TRAK1: variants seen among roughly 807,000 people sequenced by gnomAD.
TRAK1 encodes trafficking kinesin protein 1.
TRAK1 carries 33 observed loss-of-function variants against 92.1 expected under a neutral mutation model. That is an observed-to-expected ratio of 0.36 (90% CI 0.27 to 0.48). TRAK1 has a LOEUF of 0.48. TRAK1 is among the 20% of genes least tolerant of loss of function. TRAK1 has a pLI of 0.99. For missense variants in TRAK1, 1,123 were observed against 1,257.9 expected (o/e 0.89, Z 1.62); for synonymous variants, 521 against 517.3 (o/e 1.01, Z -0.10).
intron 10 of TRAK1, 150 bp from the exon 11 acceptor site, chr3:42,199,027 G>C: frequency 1.3e-6 from 1 of 740,992 alleles, no homozygotes; most frequent in Non-Finnish European, 2.3e-6. Flanking sequence ...TCTGACAACA[G>C]AGAGTGCTGT....
chr3:42,013,416 G>A (rs1344027058), upstream of TRAK1, among the ~76,000 whole-genome samples: 8 of 152,146 alleles, frequency 5.3e-5, no homozygotes, highest in Admixed American at 2.0e-4. This position sits in a 1 kb window ranked among gnomAD's most constrained non-coding sequence, Gnocchi z 5.1. Context: ...CCGGATCCAG[G>A]TCTTTACCGG....
At chr3:42,212,019 T>C (rs1709103783) in intron 14 of TRAK1, 38 of 985,466 alleles carry the variant, frequency 3.9e-5, no homozygotes, top group Non-Finnish European at 4.6e-5. Flanking sequence ...CTTTAAAAAC[T>C]GGCTTCAGAG....
At chr3:42,081,393 C>G (rs1704431224) in intron 1 of TRAK1, among the ~76,000 whole-genome samples, 1 of 152,192 alleles carries the variant, frequency 6.6e-6, no homozygotes, top group Non-Finnish European at 1.5e-5. Context: ...AGAACCTGGG[C>G]TTTAAAGCTT....
intron 1 of TRAK1, among the ~76,000 whole-genome samples, chr3:42,047,457 A>G (rs1440670500): frequency 5.9e-5 from 9 of 151,750 alleles, no homozygotes; most frequent in Non-Finnish European, 1.2e-4. Context: ...TTCCTGCCTT[A>G]GCCTCCCAGT....
At chr3:42,220,845 C>T (rs996136699) in intron 15 of TRAK1, among the ~76,000 whole-genome samples, 3 of 152,166 alleles carry the variant, frequency 2.0e-5, no homozygotes, top group African/African-American at 4.8e-5. Flanking sequence ...TTGTCTCCTC[C>T]GTCTCTCTGC....
At chr3:42,089,840 C>T (rs181141932), upstream of TRAK1, among the ~76,000 whole-genome samples, 15 of 152,316 alleles carry the variant, frequency 9.8e-5, no homozygotes, top group African/African-American at 3.6e-4. Flanking sequence ...GTCTACTTTG[C>T]ACACTCCTGA....
chr3:42,203,852 G>C, intron 13 of TRAK1: 1 of 872,882 alleles, frequency 1.1e-6, no homozygotes, highest in Non-Finnish European at 1.4e-6. Context: ...TACATCTGTG[G>C]TATTAAAATT....
chr3:42,036,861 T>C (rs937167407), intron 1 of TRAK1, among the ~76,000 whole-genome samples: 15 of 152,226 alleles, frequency 9.9e-5, no homozygotes, highest in Non-Finnish European at 2.2e-4. Flanking sequence ...GCAGTCCTCC[T>C]ACCTCAGCTT....
chr3:42,024,797 T>G (rs886838917), intron 1 of TRAK1, among the ~76,000 whole-genome samples: 29 of 152,230 alleles, frequency 1.9e-4, no homozygotes, highest in African/African-American at 6.0e-4. Context: ...GTTCTTTGTC[T>G]TTTTCTGGTG....
At chr3:42,219,307 T>G (rs1710072265) in intron 14 of TRAK1, 187 bp from the exon 15 acceptor site, 1 of 985,098 alleles carries the variant, frequency 1.0e-6, no homozygotes, top group African/African-American at 1.7e-5. Flanking sequence ...AGACCAGTGC[T>G]CAAAATTGTG....
chr3:42,042,065 T>TA (rs2148903009), intron 1 of TRAK1, among the ~76,000 whole-genome samples: 1 of 152,312 alleles, frequency 6.6e-6, no homozygotes, highest in African/African-American at 2.4e-5. Flanking sequence ...GTGCTGGAAT[T>TA]ACAGGCATGA....
chr3:42,220,380 G>A (rs888133190), intron 15 of TRAK1: 2 of 686,972 alleles, frequency 2.9e-6, no homozygotes, highest in Non-Finnish European at 3.6e-6. Flanking sequence ...TAACAGAGTA[G>A]AACGACCCCC....
At chr3:42,046,075 T>C (rs1252894790) in intron 1 of TRAK1, among the ~76,000 whole-genome samples, 1 of 152,102 alleles carries the variant, frequency 6.6e-6, no homozygotes, top group Admixed American at 6.6e-5. Flanking sequence ...TGCCTACACA[T>C]CTCTGAGCCT....
intron 6 of TRAK1, among the ~76,000 whole-genome samples, chr3:42,190,201 G>A (rs905484440): frequency 3.3e-5 from 5 of 152,132 alleles, no homozygotes; most frequent in African/African-American, 4.8e-5. Flanking sequence ...TTCTCTAGCC[G>A]AGGTATGGTG....
upstream of TRAK1, among the ~76,000 whole-genome samples, chr3:42,089,207 T>G (rs1330316288): frequency 6.6e-6 from 1 of 152,222 alleles, no homozygotes; most frequent in Non-Finnish European, 1.5e-5. Context: ...CTTTCTGCGA[T>G]TCATACCCCA....
intron 1 of TRAK1, among the ~76,000 whole-genome samples, chr3:42,117,358 G>A (rs1219184510): frequency 1.7e-5 from 2 of 115,380 alleles, no homozygotes; most frequent in Non-Finnish European, 3.5e-5. Flanking sequence ...AGGGCCTCTC[G>A]GCTTCCAGCA....
chr3:42,076,909 AT>A (rs1704187207), intron 1 of TRAK1, among the ~76,000 whole-genome samples: 1 of 151,864 alleles, frequency 6.6e-6, no homozygotes, highest in African/African-American at 2.4e-5. Context: ...ATTGCTTGTT[AT>A]TGTTGGCTTT....
At chr3:42,063,686 C>CA (rs57831151) in intron 1 of TRAK1, among the ~76,000 whole-genome samples, 20,414 of 106,992 alleles carry the variant, frequency 0.19, 1,800 homozygotes, top group East Asian at 0.34. Flanking sequence ...ACTCTGTCTC[C>CA]AAAAAAAAAA....
Position 42,174,540 on chromosome 3 carries a change from G to A in TRAK1, c.287-2274G>A, listed in dbSNP as rs1020279551. Reference sequence around the variant, plus strand: ...CCTGCCCTGCTGCCCAGGCTGGAGTGCAGTGGCACGACTTCTGCCTCCCGG... The same window carrying A: ...CCTGCCCTGCTGCCCAGGCTGGAGTACAGTGGCACGACTTCTGCCTCCCGG... On this transcript the variant is annotated intron_variant, in intron 2 of 15. Transcript: ENST00000327628. Among the ~76,000 whole-genome samples the A allele has an allele frequency of 2.0e-5, 3 of 151,260 alleles. No homozygotes were observed. The South Asian group carries it at 6.3e-4, about 32-fold the overall frequency.
Sources: allele counts gnomAD v4.1 joint callset (sites outside exome capture counted in the v4.1 genomes callset), GRCh38; gene constraint gnomAD v4.1.1; non-coding constraint Gnocchi (gnomAD v3.1); transcripts MANE v1.5; gene names NCBI Gene and HGNC (gene_info 2026-07-23, HGNC 2026-07-21).